LARGE1: variants seen among roughly 807,000 people sequenced by gnomAD.
LARGE1 encodes xylosyl- and glucuronyltransferase LARGE1.
LARGE1 carries 43 observed loss-of-function variants against 87.6 expected under a neutral mutation model. That is an observed-to-expected ratio of 0.49 (90% CI 0.38 to 0.63). The LOEUF (loss-of-function observed/expected upper bound fraction) is 0.63. Ranked by LOEUF, LARGE1 falls within the 30% of genes least tolerant of loss-of-function variation. The pLI is 0.00. For missense variants in LARGE1, 802 were observed against 1,000.2 expected, an observed-to-expected ratio of 0.80 and a Z score of 2.67; for synonymous variants, 434 against 394.6, an observed-to-expected ratio of 1.10 and a Z score of -1.18.
intron 6 of LARGE1, among the ~76,000 whole-genome samples, chr22:33,523,728 T>A (rs1431414190): frequency 6.6e-6 from 1 of 152,178 alleles, no homozygotes; most frequent in African/African-American, 2.4e-5. Context: ...CATTCTAGGT[T>A]TTAAAAATAA....
intron 9 of LARGE1, among the ~76,000 whole-genome samples, chr22:33,347,990 G>A (rs981444163): frequency 6.6e-6 from 1 of 152,144 alleles, no homozygotes; most frequent in African/African-American, 2.4e-5. Flanking sequence ...GGAAGGAGGA[G>A]TAAGAAACAA....
downstream of LARGE1, among the ~76,000 whole-genome samples, chr22:33,157,593 T>C (rs1317594355): frequency 2.6e-5 from 4 of 152,104 alleles, no homozygotes; most frequent in Admixed American, 6.6e-5. Context: ...AAAACTCATT[T>C]TCCTCCTACT....
intron 1 of LARGE1, among the ~76,000 whole-genome samples, chr22:33,828,769 A>G (rs901139491): frequency 2.0e-5 from 3 of 152,178 alleles, no homozygotes; most frequent in African/African-American, 7.2e-5. Flanking sequence ...TGAATGAGAA[A>G]ACATAATAAT....
At chr22:33,527,059 C>T (rs1436273549) in intron 6 of LARGE1, among the ~76,000 whole-genome samples, 5 of 152,178 alleles carry the variant, frequency 3.3e-5, no homozygotes, top group Non-Finnish European at 7.3e-5. Flanking sequence ...GAGTTCGAGA[C>T]CAGCCTGACC....
chr22:33,770,577 C>A (rs1307160554), intron 1 of LARGE1, among the ~76,000 whole-genome samples: 1 of 152,006 alleles, frequency 6.6e-6, no homozygotes, highest in Admixed American at 6.6e-5. Context: ...CACAGCTACT[C>A]CGGAGGCTGA....
At chr22:33,491,577 TGTTG>T in intron 6 of LARGE1, among the ~76,000 whole-genome samples, 1 of 152,346 alleles carries the variant, frequency 6.6e-6, no homozygotes, top group East Asian at 1.9e-4. Context: ...TTAATTAAAA[TGTTG>T]GTTGCCTGGA....
intron 7 of LARGE1, among the ~76,000 whole-genome samples, chr22:33,406,674 A>AG (rs1196818963): frequency 6.6e-6 from 1 of 152,198 alleles, no homozygotes; most frequent in Non-Finnish European, 1.5e-5. Flanking sequence ...TGGCATGCCC[A>AG]GGGCTGTGTG....
chr22:33,250,303 T>C (rs1443999888), intron 11 of LARGE1, among the ~76,000 whole-genome samples: 4 of 152,230 alleles, frequency 2.6e-5, no homozygotes, highest in African/African-American at 7.2e-5. Flanking sequence ...CTTGTGTTTT[T>C]AATTTAAAAT....
intron 2 of LARGE1, among the ~76,000 whole-genome samples, chr22:33,675,754 G>T (rs377698327): frequency 6.6e-6 from 1 of 152,144 alleles, no homozygotes; most frequent in Non-Finnish European, 1.5e-5. Flanking sequence ...CACAAAAGGC[G>T]TTTATGACCC....
chr22:33,618,817 C>G (rs1029761258), intron 4 of LARGE1, among the ~76,000 whole-genome samples: 1 of 152,214 alleles, frequency 6.6e-6, no homozygotes, highest in Non-Finnish European at 1.5e-5. Context: ...AACCCGCCTT[C>G]CTGTTTGGTG....
intron 3 of LARGE1, among the ~76,000 whole-genome samples, chr22:33,638,084 C>G (rs956145763): frequency 6.6e-6 from 1 of 152,098 alleles, no homozygotes; most frequent in African/African-American, 2.4e-5. Context: ...CAAAGAAGGC[C>G]TATGAAGCTA....
intron 3 of LARGE1, among the ~76,000 whole-genome samples, chr22:33,634,660 C>T (rs1206558094): frequency 6.8e-6 from 1 of 147,912 alleles, no homozygotes; most frequent in Non-Finnish European, 1.5e-5. Context: ...GCTTCTACTG[C>T]AAAAAAAATT....
Position 33,405,522 on chromosome 22 carries a change from T to C in LARGE1, c.893-21218A>G, listed in dbSNP as rs1324022892. 5.3e-5 allele frequency among the ~76,000 whole-genome samples: 8 copies of C among 152,330 alleles called. No homozygotes were observed. In the East Asian group the frequency reaches 7.7e-4, roughly 15 times the overall value. On this transcript the variant is annotated intron_variant, in intron 7 of 14. Coordinates refer to ENST00000397394, the MANE Select transcript of LARGE1 (RefSeq NM_133642.5). ...TTAGGGAGTAATCAACATTACTATG[T>C]GTAATTTCTTTCTTCCTTCTTTTCC...
intron 10 of LARGE1, among the ~76,000 whole-genome samples, chr22:33,324,688 A>G (rs1937086174): frequency 6.6e-6 from 1 of 152,184 alleles, no homozygotes; most frequent in Non-Finnish European, 1.5e-5. Context: ...ATACCTGAGG[A>G]TCCAGAGGGA....
At chr22:33,376,637 C>T (rs1173289090) in intron 9 of LARGE1, among the ~76,000 whole-genome samples, 1 of 152,116 alleles carries the variant, frequency 6.6e-6, no homozygotes, top group African/African-American at 2.4e-5. Flanking sequence ...GGATAATGGT[C>T]ATTTTGTTTA....
intron 12 of LARGE1, among the ~76,000 whole-genome samples, chr22:33,285,647 A>G (rs2145921533): frequency 6.6e-6 from 1 of 151,344 alleles, no homozygotes; most frequent in African/African-American, 2.4e-5. Context: ...AAACAAACAA[A>G]AAAACCTTGT....
intron 5 of LARGE1, among the ~76,000 whole-genome samples, chr22:33,593,748 G>C (rs1368776468): frequency 3.9e-5 from 6 of 152,312 alleles, no homozygotes; most frequent in Non-Finnish European, 8.8e-5. Context: ...ATCTCAGGTT[G>C]AAACGATACT....
intron 1 of LARGE1, among the ~76,000 whole-genome samples, chr22:33,852,649 C>A (rs1225266667): frequency 6.6e-6 from 1 of 151,800 alleles, no homozygotes. Flanking sequence ...GAGTTCGAGA[C>A]CAGCCTGGGC....
intron 2 of LARGE1, among the ~76,000 whole-genome samples, chr22:33,670,223 T>C (rs1043945746): frequency 6.6e-6 from 1 of 152,022 alleles, no homozygotes; most frequent in African/African-American, 2.4e-5. Context: ...CAGAGTCCCT[T>C]TCCCTATCAA....
Sources: allele counts gnomAD v4.1 joint callset (sites outside exome capture counted in the v4.1 genomes callset), GRCh38; gene constraint gnomAD v4.1.1; transcripts MANE v1.5; gene names NCBI Gene and HGNC (gene_info 2026-07-23, HGNC 2026-07-21).